The following OR51B5 variants were observed in gnomAD, a reference collection of about 807,000 sequenced individuals.
OR51B5 encodes the protein olfactory receptor 51B5.
For synonymous variants in OR51B5, 186 were observed against 144.8 expected (o/e 1.28, Z -2.04); for missense variants, 456 against 374.6 (o/e 1.22, Z -1.79).
At chr11:5,417,772 C>T (rs1020005994) in intron 1 of OR51B5, among the ~76,000 whole-genome samples, 9 of 146,004 alleles carry the variant, frequency 6.2e-5, no homozygotes, top group African/African-American at 2.0e-4. Context: ...AGTCAGGAAA[C>T]AACAGGTGCT....
chr11:5,357,345 G>A (rs1016628604), intron 1 of OR51B5, among the ~76,000 whole-genome samples: 14 of 150,778 alleles, frequency 9.3e-5, no homozygotes, highest in East Asian at 1.9e-4. Context: ...GATAAAACAG[G>A]CTTTAAACCA....
chr11:5,428,602 G>GTTT (rs1230773828), intron 1 of OR51B5, among the ~76,000 whole-genome samples: 1 of 152,118 alleles, frequency 6.6e-6, no homozygotes, highest in Non-Finnish European at 1.5e-5. Context: ...ACAAAAATTG[G>GTTT]ATGACTACTG....
At chr11:5,398,307 C>T (rs1048960891) in intron 1 of OR51B5, among the ~76,000 whole-genome samples, 1 of 152,154 alleles carries the variant, frequency 6.6e-6, no homozygotes, top group Non-Finnish European at 1.5e-5. Flanking sequence ...TATATCTTTG[C>T]TTGTTTCCCT....
intron 1 of OR51B5, among the ~76,000 whole-genome samples, chr11:5,432,028 C>T (rs1850541600): frequency 6.6e-6 from 1 of 152,108 alleles, no homozygotes; most frequent in African/African-American, 2.4e-5. Context: ...GTGTTGGGAA[C>T]ATGTCAAATT....
intron 1 of OR51B5, among the ~76,000 whole-genome samples, chr11:5,365,619 G>A (rs1432594317): frequency 6.6e-6 from 1 of 152,164 alleles, no homozygotes; most frequent in Non-Finnish European, 1.5e-5. Flanking sequence ...AGGGCTCTTG[G>A]TGTGAATCTG....
At chr11:5,457,386 G>A (rs1306048166) in intron 1 of OR51B5, among the ~76,000 whole-genome samples, 2 of 152,180 alleles carry the variant, frequency 1.3e-5, no homozygotes, top group South Asian at 4.1e-4. Context: ...CACTGCTGAA[G>A]GGCACCTTGA....
chr11:5,343,157 GCAATAAAACGGTC>G lies in OR51B5; in HGVS notation c.355_367del (p.Asp119ProfsTer17), dbSNP rs780398604. On this transcript the variant is annotated frameshift_variant, in exon 1 of 1. Coordinates refer to ENST00000300773, the Ensembl canonical transcript of OR51B5. LOFTEE classifies it low-confidence loss of function (END_TRUNC). ...GGTATATCTAAGAGGGTTGCAGATG[GCAATAAAACGGTC>G]ATAGGCCATGGCAAGCAGAATGCCA... The G allele has an allele frequency of 2.5e-6, 4 of 1,613,790 alleles. No homozygotes were observed. In the Admixed American group the frequency reaches 6.7e-5, roughly 27 times the overall value.
chr11:5,403,234 C>T (rs780769132), intron 1 of OR51B5: 15 of 471,252 alleles, frequency 3.2e-5, no homozygotes, highest in South Asian at 1.4e-4. Flanking sequence ...GGGCTGGATT[C>T]GTTGCTGATT....
intron 1 of OR51B5, chr11:5,453,200 C>G (rs1850883969): frequency 1.2e-5 from 3 of 250,626 alleles, no homozygotes; most frequent in African/African-American, 2.2e-5. Flanking sequence ...AAACATTTTC[C>G]TTTTAACTAA....
intron 1 of OR51B5, chr11:5,430,672 C>T (rs1850520305): frequency 2.2e-6 from 1 of 454,734 alleles, no homozygotes; most frequent in South Asian, 1.6e-5. Flanking sequence ...TTCCCTCTTG[C>T]AGGAAAACAA....
rs751698189 is a variant in OR51B5, at chr11:5,488,937, T to G, written n.84+16632A>C. ...TCTCACTCACAGACCTGGCTCTCAG[T>G]TCTACCACTGTGCCCAAGATGCTGG... On this transcript the variant is annotated intron_variant and non_coding_transcript_variant, in intron 1 of 4. Transcript: ENST00000415970. 5 of 1,614,080 alleles carry G rather than the reference T, an allele frequency of 3.1e-6. No individual in the cohort carries two copies. The South Asian group carries it at 5.5e-5, about 18-fold the overall frequency.
chr11:5,429,305 C>G (rs1850497526), intron 1 of OR51B5, among the ~76,000 whole-genome samples: 2 of 152,120 alleles, frequency 1.3e-5, no homozygotes, highest in South Asian at 4.1e-4. Flanking sequence ...ACCGCAATAC[C>G]AGGGTCTCAG....
At chr11:5,422,151 C>G in intron 1 of OR51B5, 2 of 1,351,438 alleles carry the variant, frequency 1.5e-6, no homozygotes, top group Non-Finnish European at 2.0e-6. Flanking sequence ...TCTAATGTTT[C>G]TTTTTCTCCC....
exon 1 of OR51B5, chr11:5,343,179 T>C (rs142022575): frequency 3.1e-6 from 5 of 1,613,742 alleles, no homozygotes; most frequent in Non-Finnish European, 3.4e-6. Context: ...TCATAGGCCA[T>C]GGCAAGCAGA....
At chr11:5,389,540 A>G in intron 1 of OR51B5, 1 of 1,613,906 alleles carries the variant, frequency 6.2e-7, no homozygotes, top group Non-Finnish European at 8.5e-7. Flanking sequence ...CTTTATGTAC[A>G]TGGTTGCCAT....
chr11:5,350,422 T>C (rs905762756), intron 1 of OR51B5, among the ~76,000 whole-genome samples: 3 of 152,180 alleles, frequency 2.0e-5, no homozygotes, highest in Admixed American at 1.3e-4. Flanking sequence ...AGATGTATAG[T>C]CCAAACCAAC....
chr11:5,352,256 A>T (rs780471818), intron 1 of OR51B5: 10 of 1,614,182 alleles, frequency 6.2e-6, no homozygotes, highest in Non-Finnish European at 8.5e-6. Context: ...CTGGTCTTCT[A>T]TGTCACTGTA....
chr11:5,491,156 G>C (rs774201361), intron 1 of OR51B5, among the ~76,000 whole-genome samples: 7 of 152,184 alleles, frequency 4.6e-5, no homozygotes, highest in Non-Finnish European at 1.0e-4. Context: ...AATGTGTAGG[G>C]TAATGAAAAT....
chr11:5,342,308 T>C (rs1236790109), downstream of OR51B5, among the ~76,000 whole-genome samples: 1 of 152,272 alleles, frequency 6.6e-6, no homozygotes, highest in Non-Finnish European at 1.5e-5. Flanking sequence ...AGTTACATTA[T>C]AGACATACCA....
Sources: allele counts gnomAD v4.1 joint callset (sites outside exome capture counted in the v4.1 genomes callset), GRCh38; gene constraint gnomAD v4.1.1; transcripts MANE v1.5; gene names NCBI Gene and HGNC (gene_info 2026-07-23, HGNC 2026-07-21).